Variants in ZNF600 observed in about 807,000 individuals in gnomAD.
The protein encoded by ZNF600 is zinc finger protein KR-ZNF1.
Under a neutral mutation model 7.3 loss-of-function variants are expected in ZNF600, and 4 were observed. The observed-to-expected ratio is 0.55, with a 90% CI of 0.27 to 1.25. ZNF600 has a LOEUF of 1.25. ZNF600 is among the 50% of genes most tolerant of loss of function. The pLI, the probability that ZNF600 is intolerant of heterozygous loss-of-function variation, is 0.12. For synonymous variants in ZNF600, 290 were observed against 308.9 expected, an observed-to-expected ratio of 0.94 and a Z score of 0.64; for missense variants, 911 against 922.1, an observed-to-expected ratio of 0.99 and a Z score of 0.16.
chr19:52,808,335 G>C, the ZNF600 span, among the ~76,000 whole-genome samples: 3 of 152,120 alleles, frequency 2.0e-5, no homozygotes, highest in Non-Finnish European at 4.4e-5. Flanking sequence ...TCCTAAGTTT[G>C]TGAAAAATTC....
At chr19:52,820,435 G>T in the ZNF600 span, among the ~76,000 whole-genome samples, 640 of 149,922 alleles carry the variant, frequency 4.3e-3, 49 homozygotes, top group African/African-American at 0.016. Context: ...ACCTCTTGTT[G>T]GTCCTTCTCC....
At chr19:52,808,516 A>G in the ZNF600 span, among the ~76,000 whole-genome samples, 2 of 152,150 alleles carry the variant, frequency 1.3e-5, no homozygotes, top group Non-Finnish European at 2.9e-5. Context: ...ACATGTCTGT[A>G]ATCCCAGCTA....
downstream of ZNF600, chr19:52,764,194 G>A: frequency 6.6e-6 from 1 of 150,978 alleles, no homozygotes. Context: ...CATTTTTAAT[G>A]TTTTTTTTTA....
the ZNF600 span, chr19:52,800,729 G>A: frequency 6.2e-7 from 1 of 1,611,944 alleles, no homozygotes; most frequent in African/African-American, 1.3e-5. Context: ...GCCTACGATG[G>A]CGTGCAAGGG....
At chr19:52,793,056 C>T in the ZNF600 span, among the ~76,000 whole-genome samples, 13 of 151,004 alleles carry the variant, frequency 8.6e-5, no homozygotes, top group Middle Eastern at 3.4e-3. Context: ...CTCTTAAACA[C>T]TTTAACGTCA....
At chr19:52,800,043 T>A in the ZNF600 span, 1 of 1,614,208 alleles carries the variant, frequency 6.2e-7, no homozygotes, top group East Asian at 2.2e-5. Context: ...CTCTCCAGTA[T>A]GAACTCTCTG....
the ZNF600 span, chr19:52,810,143 G>A: frequency 2.1e-5 from 19 of 903,782 alleles, no homozygotes; most frequent in East Asian, 9.6e-5. Flanking sequence ...AGGGTGACCC[G>A]GGGCTGGAAG....
chr19:52,803,178 A>G, the ZNF600 span, among the ~76,000 whole-genome samples: 312 of 152,294 alleles, frequency 2.0e-3, no homozygotes, highest in African/African-American at 7.3e-3. Flanking sequence ...CTTGGGGTTC[A>G]TGTGAGTCTC....
chr19:52,789,865 AAG>A (rs1469303969), upstream of ZNF600, among the ~76,000 whole-genome samples: 3 of 152,140 alleles, frequency 2.0e-5, no homozygotes, highest in Admixed American at 1.3e-4. Context: ...TGAGTCCAAA[AAG>A]AGAGTCAGTG....
chr19:52,794,271 G>A, the ZNF600 span, among the ~76,000 whole-genome samples: 1 of 152,208 alleles, frequency 6.6e-6, no homozygotes, highest in East Asian at 1.9e-4. Flanking sequence ...CATTTTTGGA[G>A]GACAGGAATC....
exon 4 of ZNF600, chr19:52,766,634 T>A (rs1473835744): frequency 6.2e-7 from 1 of 1,613,872 alleles, no homozygotes; most frequent in Non-Finnish European, 8.5e-7. Flanking sequence ...TATGATGGCA[T>A]ACAAGGGATG....
chr19:52,775,465 G>A (rs1487082269), intron 2 of ZNF600, among the ~76,000 whole-genome samples: 3 of 150,036 alleles, frequency 2.0e-5, no homozygotes, highest in Admixed American at 6.7e-5. Context: ...CAGGAGGATC[G>A]CATGAATCCG....
exon 4 of ZNF600, chr19:52,766,716 C>T: frequency 6.2e-7 from 1 of 1,613,786 alleles, no homozygotes. Context: ...TCTTTTATGT[C>T]TTGCCAGCTG....
chr19:52,810,589 C>G, the ZNF600 span: 1 of 1,573,154 alleles, frequency 6.4e-7, no homozygotes, highest in Non-Finnish European at 8.7e-7. Context: ...CCCGCTACCG[C>G]GCCCGACCAC....
chr19:52,783,942 C>T (rs952091343), intron 1 of ZNF600, among the ~76,000 whole-genome samples: 1 of 152,216 alleles, frequency 6.6e-6, no homozygotes, highest in South Asian at 2.1e-4. Context: ...GGCGTGGTGG[C>T]GCATGCCAGT....
At chr19:52,812,683 T>C in the ZNF600 span, among the ~76,000 whole-genome samples, 1 of 136,266 alleles carries the variant, frequency 7.3e-6, no homozygotes, top group East Asian at 2.0e-4. Context: ...TTCACTTGTT[T>C]ATCTGCTGAC....
chr19:52,803,405 G>A, the ZNF600 span, among the ~76,000 whole-genome samples: 1 of 152,176 alleles, frequency 6.6e-6, no homozygotes, highest in Admixed American at 6.5e-5. Context: ...ATCTAGGGGA[G>A]TGTCAGTTAT....
the ZNF600 span, among the ~76,000 whole-genome samples, chr19:52,806,482 C>T: frequency 7.2e-5 from 11 of 152,194 alleles, no homozygotes; most frequent in South Asian, 2.1e-3. Context: ...GTGTCAGCCA[C>T]TGCACACGTC....
chr19:52,769,077 G>A (rs1241539281), intron 3 of ZNF600, among the ~76,000 whole-genome samples: 2 of 152,272 alleles, frequency 1.3e-5, no homozygotes, highest in Non-Finnish European at 2.9e-5. Context: ...CCAGCGTCTG[G>A]GAAGATGCCC....
Sources: gnomAD v4.1 joint callset for allele counts (sites outside exome capture counted in the v4.1 genomes callset) on GRCh38, gnomAD v4.1.1 for gene constraint, MANE v1.5 for transcripts, NCBI Gene and HGNC (gene_info 2026-07-23, HGNC 2026-07-21) for gene names.